The following STK32B variants were observed in gnomAD, a reference collection of about 807,000 sequenced individuals.
STK32B encodes the protein serine/threonine-protein kinase 32B.
Under a neutral mutation model 52.6 loss-of-function variants are expected in STK32B, and 43 were observed. The observed-to-expected ratio is 0.82, with a 90% CI of 0.64 to 1.05. The LOEUF (loss-of-function observed/expected upper bound fraction) is 1.05. STK32B is among the 50% of genes least tolerant of loss of function. The pLI, the probability that STK32B is intolerant of heterozygous loss-of-function variation, is 0.00. For missense variants in STK32B, 621 were observed against 534.6 expected (o/e 1.16, Z -1.59); for synonymous variants, 238 against 204.3 (o/e 1.17, Z -1.41).
At position 5,416,871 on chromosome 4, in the gene STK32B, A is replaced by C; in HGVS notation, c.499A>C (p.Ile167Leu). 6.2e-7 allele frequency: 1 copy of C among 1,613,992 alleles called. No individual in the cohort carries two copies. The highest frequency in any genetic ancestry group is 8.5e-7 in the Non-Finnish European group (1 of 1,179,946). ...HGHVHITDFN[I>L]ATVVKGAERA... ...ACATGTTCACATTACAGACTTCAAC[A>C]TAGCGACGGTAGTGAAAGGAGCAGA... The change falls in exon 6 of 12, where the codon ATA (isoleucine) becomes CTA (leucine). Residue 167 changes from isoleucine (I) to leucine (L), a missense_variant. Coordinates refer to ENST00000282908, the MANE Select transcript of STK32B (RefSeq NM_018401.3).
chr4:5,130,125 G>A (rs1485217198), intron 1 of STK32B, among the ~76,000 whole-genome samples: 1 of 151,664 alleles, frequency 6.6e-6, no homozygotes, highest in East Asian at 1.9e-4. Flanking sequence ...TACCAAGGGA[G>A]GTGACCCAAA....
intron 4 of STK32B, among the ~76,000 whole-genome samples, chr4:5,343,094 T>TC (rs537643898): frequency 2.0e-5 from 2 of 101,340 alleles, no homozygotes; most frequent in Non-Finnish European, 3.9e-5. Flanking sequence ...ATGCTATCCC[T>TC]CCCCCCTCCC....
intron 1 of STK32B, among the ~76,000 whole-genome samples, chr4:5,087,251 T>G (rs1199274318): frequency 6.6e-6 from 1 of 151,972 alleles, no homozygotes; most frequent in Admixed American, 6.6e-5. Flanking sequence ...TATTATAAAT[T>G]GAGATGCTAA....
At chr4:5,278,771 G>A (rs1728004318) in intron 3 of STK32B, among the ~76,000 whole-genome samples, 1 of 152,152 alleles carries the variant, frequency 6.6e-6, no homozygotes, top group Non-Finnish European at 1.5e-5. Flanking sequence ...TGTACAGGAA[G>A]CATGGCTGGG....
intron 4 of STK32B, among the ~76,000 whole-genome samples, chr4:5,370,553 T>A (rs1368187132): frequency 6.6e-6 from 1 of 152,182 alleles, no homozygotes; most frequent in Admixed American, 6.5e-5. Flanking sequence ...TGGGCTTGGA[T>A]GCTTCCAAGA....
intron 1 of STK32B, among the ~76,000 whole-genome samples, chr4:5,075,221 C>T (rs1365718776): frequency 2.0e-5 from 3 of 152,164 alleles, no homozygotes; most frequent in African/African-American, 2.4e-5. Context: ...AAGACCTTGG[C>T]ATTCCATTTT....
At chr4:5,182,665 G>T (rs1241772715) in intron 3 of STK32B, among the ~76,000 whole-genome samples, 1 of 152,020 alleles carries the variant, frequency 6.6e-6, no homozygotes, top group Non-Finnish European at 1.5e-5. Context: ...CACCATGTTG[G>T]CCAGGCTGGT....
intron 1 of STK32B, among the ~76,000 whole-genome samples, chr4:5,070,657 G>A (rs1577048382): frequency 6.6e-6 from 1 of 152,214 alleles, no homozygotes; most frequent in African/African-American, 2.4e-5. Flanking sequence ...GTGAAGAGGT[G>A]AAATTTGGAC....
intron 1 of STK32B, among the ~76,000 whole-genome samples, chr4:5,068,829 T>C (rs893261570): frequency 5.3e-5 from 8 of 152,178 alleles, no homozygotes; most frequent in African/African-American, 1.9e-4. Flanking sequence ...TTAAGACGGA[T>C]GCAAAACAAT....
chr4:5,460,263 C>G lies in STK32B; in HGVS notation c.909+35C>G. On this transcript the variant is annotated intron_variant, in intron 9 of 11. Transcript: ENST00000282908. This position sits in a 1 kb window ranked among gnomAD's most constrained non-coding sequence, Gnocchi z 4.8. The stretch of plus-strand genomic sequence containing the variant: ...AGTCCCACCTGATGTCATGCCACCC[C>G]TCTGCAGGGTCCCCGCCTTGGTGCA... The G allele has an allele frequency of 6.3e-7, 1 of 1,588,974 alleles. No homozygotes were observed. Among genetic ancestry groups the G allele is most frequent in the African/African-American group, 1.3e-5 (1 of 74,650 alleles).
Position 5,460,114 on chromosome 4 carries a change from G to T in STK32B, c.795G>T (p.Lys265Asn). Reference sequence around the variant, plus strand: ...CCCTCTAACTGCAGCTCCTGACCAAGGATCCTGAGAGCCGCGTGTCCAGCC... The same window carrying T: ...CCCTCTAACTGCAGCTCCTGACCAATGATCCTGAGAGCCGCGTGTCCAGCC... ...MVALLRKLLT[K>N]DPESRVSSLH... The change falls in exon 9 of 12, where the codon AAG becomes AAT. Residue 265 changes from lysine (K) to asparagine (N), a missense_variant. By Grantham distance (94) the Lys-to-Asn change is moderately conservative. Coordinates refer to ENST00000282908, the MANE Select transcript of STK32B (RefSeq NM_018401.3). This position sits in a 1 kb window ranked among gnomAD's most constrained non-coding sequence, Gnocchi z 4.8. 1 of 1,614,226 alleles carries T rather than the reference G, an allele frequency of 6.2e-7. No individual in the cohort carries two copies. The highest frequency in any genetic ancestry group is 8.5e-7 in the Non-Finnish European group (1 of 1,180,044).
At chr4:5,273,788 A>G (rs1727607247) in intron 3 of STK32B, among the ~76,000 whole-genome samples, 1 of 139,600 alleles carries the variant, frequency 7.2e-6, no homozygotes, top group African/African-American at 2.7e-5. Context: ...TGGGAATTGA[A>G]CAGTGAGATC....
intron 6 of STK32B, chr4:5,436,783 C>A: frequency 1.6e-6 from 1 of 630,212 alleles, no homozygotes; most frequent in Non-Finnish European, 2.0e-6. Flanking sequence ...CTCAGGGGTA[C>A]TACTGGGTGG....
At chr4:5,113,856 A>C (rs974560580) in intron 1 of STK32B, among the ~76,000 whole-genome samples, 3 of 152,314 alleles carry the variant, frequency 2.0e-5, no homozygotes, top group Admixed American at 6.5e-5. Flanking sequence ...GTGGAAGGCA[A>C]GGAGGACCGA....
intron 4 of STK32B, among the ~76,000 whole-genome samples, chr4:5,361,046 A>G (rs1734513517): frequency 6.6e-6 from 1 of 152,212 alleles, no homozygotes; most frequent in African/African-American, 2.4e-5. Context: ...TATGGGTACT[A>G]GGTACTTCAT....
intron 3 of STK32B, among the ~76,000 whole-genome samples, chr4:5,214,981 C>G (rs1723104413): frequency 6.6e-6 from 1 of 152,144 alleles, no homozygotes; most frequent in African/African-American, 2.4e-5. Context: ...TGTGACAATA[C>G]ATGAAAAGAG....
intron 3 of STK32B, among the ~76,000 whole-genome samples, chr4:5,249,957 T>A (rs1383227750): frequency 6.6e-6 from 1 of 152,170 alleles, no homozygotes; most frequent in African/African-American, 2.4e-5. Context: ...CTTCTTTGTA[T>A]CCATGTACAC....
chr4:5,483,424 G>C (rs189392048), intron 11 of STK32B, among the ~76,000 whole-genome samples: 1 of 151,934 alleles, frequency 6.6e-6, no homozygotes, highest in Non-Finnish European at 1.5e-5. Flanking sequence ...CTGTGGGATC[G>C]GTGGTGATAT....
At chr4:5,342,277 A>G (rs1204708987) in intron 4 of STK32B, among the ~76,000 whole-genome samples, 2 of 152,206 alleles carry the variant, frequency 1.3e-5, no homozygotes, top group African/African-American at 4.8e-5. Context: ...ACTATTCACA[A>G]CAGCAAAGAC....
Sources: allele counts gnomAD v4.1 joint callset (sites outside exome capture counted in the v4.1 genomes callset), GRCh38; gene constraint gnomAD v4.1.1; non-coding constraint Gnocchi (gnomAD v3.1); transcripts MANE v1.5; gene names NCBI Gene and HGNC (gene_info 2026-07-23, HGNC 2026-07-21).